ZFP64: variants seen among roughly 807,000 people sequenced by gnomAD.
ZFP64 encodes ZFP64 zinc finger protein.
ZFP64 carries 14 observed loss-of-function variants against 51.6 expected under a neutral mutation model. That is an observed-to-expected ratio of 0.27 (90% confidence interval 0.18 to 0.42). The LOEUF is 0.42. Among genes scored for constraint, ZFP64 ranks in the 10% least tolerant of loss-of-function variants. ZFP64 has a pLI of 1.00. For missense variants in ZFP64, 754 were observed against 906.8 expected (o/e 0.83, Z 2.16); for synonymous variants, 375 against 361.4 (o/e 1.04, Z -0.43).
In ZFP64 at chr20:52,152,509, C is replaced by G. The variant is rs201143929; in HGVS notation, c.1683G>C (p.Ala561=). The change falls in exon 6 of 6, where the codon GCG becomes GCC. Residue 561 remains alanine (A), a synonymous_variant. Coordinates refer to ENST00000216923, the MANE Select transcript of ZFP64 (RefSeq NM_018197.3). ...GGACAGCCGGCTGGGTCATTGCGCC[C>G]GCCTCGCTCGGACACCGCGAGGACT... ...PPQSSRCPSE[A]GAMTQPAVLL... The G allele has an allele frequency of 1.2e-6, 2 of 1,606,114 alleles. No homozygotes were observed. Among genetic ancestry groups the G allele is most frequent in the Middle Eastern group, 1.7e-4 (1 of 6,030 alleles).
intron 1 of ZFP64, among the ~76,000 whole-genome samples, chr20:52,187,649 A>G (rs1425431010): frequency 6.6e-6 from 1 of 151,950 alleles, no homozygotes; most frequent in Non-Finnish European, 1.5e-5. Flanking sequence ...TTTTTTTCAG[A>G]AAATTATGAT....
chr20:52,155,064 A>G (rs1205784591), intron 5 of ZFP64, among the ~76,000 whole-genome samples: 2 of 152,250 alleles, frequency 1.3e-5, no homozygotes, highest in Non-Finnish European at 2.9e-5. Flanking sequence ...ATAGGAATAT[A>G]AAAGAAACTA....
intron 5 of ZFP64, among the ~76,000 whole-genome samples, chr20:52,157,855 T>A (rs1434822365): frequency 6.6e-6 from 1 of 152,110 alleles, no homozygotes; most frequent in Non-Finnish European, 1.5e-5. Flanking sequence ...GTGTGTGATG[T>A]TCCCCTCCCT....
downstream of ZFP64, among the ~76,000 whole-genome samples, chr20:52,146,707 T>C (rs1302900285): frequency 6.6e-6 from 1 of 152,108 alleles, no homozygotes; most frequent in Non-Finnish European, 1.5e-5. Context: ...TGTGCACATG[T>C]ACCCTAAAAC....
chr20:52,119,533 A>AAATAT (rs1457197109), intron 5 of ZFP64, among the ~76,000 whole-genome samples: 12 of 89,832 alleles, frequency 1.3e-4, no homozygotes, highest in East Asian at 5.5e-4. Flanking sequence ...AAAAAAAAAA[A>AAATAT]ATATATATAT....
At chr20:52,175,861 G>GCCCCCCCC in intron 2 of ZFP64, 3 of 238,642 alleles carry the variant, frequency 1.3e-5, no homozygotes, top group Non-Finnish European at 1.8e-5. Flanking sequence ...CACCCCCGCT[G>GCCCCCCCC]CCGCCCCCGC....
At chr20:52,109,130 A>G (rs1001927522) in intron 5 of ZFP64, among the ~76,000 whole-genome samples, 6 of 152,026 alleles carry the variant, frequency 3.9e-5, no homozygotes, top group Non-Finnish European at 8.8e-5. Flanking sequence ...TTTCAAGCCC[A>G]GGGAAGCTCT....
chr20:52,116,626 C>A (rs1978887485), intron 5 of ZFP64, among the ~76,000 whole-genome samples: 1 of 151,936 alleles, frequency 6.6e-6, no homozygotes, highest in South Asian at 2.1e-4. Context: ...AGTGAAACAT[C>A]CAAAAGACAA....
At chr20:52,168,061 ACTT>A (rs1219767608) in intron 2 of ZFP64, among the ~76,000 whole-genome samples, 3 of 151,986 alleles carry the variant, frequency 2.0e-5, no homozygotes, top group African/African-American at 7.3e-5. Flanking sequence ...GCTTTTCCTG[ACTT>A]CTTTGGACAT....
chr20:52,142,417 C>CACACACACAA (rs1024276810), intron 5 of ZFP64, among the ~76,000 whole-genome samples: 2 of 147,224 alleles, frequency 1.4e-5, no homozygotes, highest in African/African-American at 5.0e-5. Context: ...CACACACACA[C>CACACACACAA]AAATTGCTTA....
Position 52,191,553 on chromosome 20 carries a change from G to T in ZFP64, c.46+38C>A. 1 of 1,535,248 alleles carries T rather than the reference G, an allele frequency of 6.5e-7. No individual in the cohort carries two copies. The highest frequency in any genetic ancestry group is 8.7e-7 in the Non-Finnish European group (1 of 1,145,584). On this transcript the variant is annotated intron_variant, in intron 1 of 5. Transcript: ENST00000216923. This position sits in a 1 kb window ranked among gnomAD's most constrained non-coding sequence, Gnocchi z 4.3. The stretch of plus-strand genomic sequence containing the variant: ...GGCCCGGGCCCCGGAGCGCGCACTG[G>T]GCCCCGGAGCGCGCACTGCTCCCGG...
At chr20:52,162,273 G>A (rs1363552486) in intron 4 of ZFP64, among the ~76,000 whole-genome samples, 1 of 151,918 alleles carries the variant, frequency 6.6e-6, no homozygotes, top group South Asian at 2.1e-4. Context: ...GCTACAGCCT[G>A]GGTGACAGAG....
At chr20:52,111,116 G>A (rs913393825) in intron 5 of ZFP64, 11 of 820,852 alleles carry the variant, frequency 1.3e-5, no homozygotes, top group African/African-American at 3.4e-5. Context: ...GCGGAGCGGG[G>A]CACGGCGGCA....
At position 52,152,041 on chromosome 20, in the gene ZFP64, A is replaced by C. The variant is rs989744838; in HGVS notation, c.*105T>G. 3.4e-6 allele frequency: 5 copies of C among 1,461,912 alleles called. No homozygotes were observed. The African/African-American group carries it at 7.1e-5, about 21-fold the overall frequency. 90.6% of individuals were successfully genotyped at this position (1,461,912 alleles called of 1,614,324 possible). A position where few individuals can be genotyped will look rare whatever the true frequency, so the allele number is the denominator to read the frequency against. ...AACAGAGCGAGACTCCGTCTCAAAA[A>C]CAAAACAAAACAAAGAAAACATTAA... On this transcript the variant is annotated 3_prime_UTR_variant, in exon 6 of 6. Coordinates refer to ENST00000216923, the MANE Select transcript of ZFP64 (RefSeq NM_018197.3).
chr20:52,109,053 T>G (rs1978408305), intron 5 of ZFP64, among the ~76,000 whole-genome samples: 1 of 152,148 alleles, frequency 6.6e-6, no homozygotes, highest in Admixed American at 6.6e-5. Context: ...TCTTCCCTCA[T>G]AATCAGGAGC....
intron 5 of ZFP64, among the ~76,000 whole-genome samples, chr20:52,116,541 A>G (rs536473014): frequency 6.6e-6 from 1 of 151,988 alleles, no homozygotes; most frequent in East Asian, 1.9e-4. Context: ...CTTTCATACA[A>G]TAGAATTCTA....
intron 7 of ZFP64, among the ~76,000 whole-genome samples, chr20:52,092,271 A>G (rs1048742468): frequency 6.6e-6 from 1 of 152,230 alleles, no homozygotes; most frequent in African/African-American, 2.4e-5. Flanking sequence ...TCTGCATTGT[A>G]AGATGTTTAT....
At chr20:52,112,089 A>AC (rs1048320995) in intron 5 of ZFP64, among the ~76,000 whole-genome samples, 4 of 137,912 alleles carry the variant, frequency 2.9e-5, no homozygotes, top group African/African-American at 1.1e-4. Flanking sequence ...CTCCAAAAAA[A>AC]AAAAAAAAAA....
At chr20:52,123,896 G>C (rs1023884876) in intron 5 of ZFP64, among the ~76,000 whole-genome samples, 2 of 151,712 alleles carry the variant, frequency 1.3e-5, no homozygotes, top group Non-Finnish European at 2.9e-5. Flanking sequence ...AGGGGGCAGA[G>C]TGTCGCTCTG....
Sources: gnomAD v4.1 joint callset for allele counts (sites outside exome capture counted in the v4.1 genomes callset) on GRCh38, gnomAD v4.1.1 for gene constraint, Gnocchi (gnomAD v3.1) non-coding constraint, MANE v1.5 for transcripts, NCBI Gene and HGNC (gene_info 2026-07-23, HGNC 2026-07-21) for gene names.